LARP4B: variants seen among roughly 807,000 people sequenced by gnomAD.
The protein encoded by LARP4B is La ribonucleoprotein 4B, also known as la-related protein 4B.
A neutral mutation model predicts 89.8 loss-of-function variants in LARP4B; 12 were observed. The ratio of observed to expected loss-of-function variants is 0.13; its 90% CI spans 0.09 to 0.22. LARP4B has a LOEUF of 0.22. Among genes scored for constraint, LARP4B ranks in the 10% least tolerant of loss-of-function variants. The probability of loss-of-function intolerance (pLI) is 1.00; values close to 1 mark genes in which losing one functional copy is unlikely to be tolerated. For synonymous variants in LARP4B, 367 were observed against 363.3 expected (o/e 1.01, Z -0.12); for missense variants, 757 against 947.7 (o/e 0.80, Z 2.64).
chr10:886,437 T>A (rs746986728), intron 1 of LARP4B, among the ~76,000 whole-genome samples: 22 of 152,210 alleles, frequency 1.4e-4, no homozygotes, highest in Non-Finnish European at 2.2e-4. Flanking sequence ...TACCATATTA[T>A]CCTTTCTGAG....
chr10:959,934 CGT>C, the LARP4B span, among the ~76,000 whole-genome samples: 3 of 150,994 alleles, frequency 2.0e-5, no homozygotes, highest in South Asian at 6.3e-4. Context: ...CCCACCTCCT[CGT>C]CAATCCCACC....
intron 17 of LARP4B, 151 bp from the exon 18 acceptor site, chr10:813,364 C>G: frequency 1.3e-6 from 1 of 766,602 alleles, no homozygotes; most frequent in Non-Finnish European, 2.0e-6. Flanking sequence ...TTCATAAAAT[C>G]TAATGATTTA....
At chr10:937,047 T>A in the LARP4B span, among the ~76,000 whole-genome samples, 1 of 152,202 alleles carries the variant, frequency 6.6e-6, no homozygotes, top group African/African-American at 2.4e-5. Context: ...GAGATTTTTT[T>A]ATTTTTATTT....
chr10:942,911 C>G, the LARP4B span, among the ~76,000 whole-genome samples: 1 of 151,906 alleles, frequency 6.6e-6, no homozygotes, highest in South Asian at 2.1e-4. Flanking sequence ...CAGCCTCACT[C>G]CAGCTTTCAG....
chr10:975,011 T>C, the LARP4B span, among the ~76,000 whole-genome samples: 822 of 152,366 alleles, frequency 5.4e-3, 8 homozygotes, highest in African/African-American at 0.019. Flanking sequence ...GGATGGGGTC[T>C]GGCCTCTGCA....
At chr10:887,245 T>C (rs1484642541) in intron 1 of LARP4B, among the ~76,000 whole-genome samples, 2 of 152,126 alleles carry the variant, frequency 1.3e-5, no homozygotes, top group African/African-American at 4.8e-5. Flanking sequence ...AGTTGTAATA[T>C]TGTATTGTAC....
the LARP4B span, among the ~76,000 whole-genome samples, chr10:945,261 G>A: frequency 2.0e-5 from 3 of 151,832 alleles, no homozygotes; most frequent in East Asian, 1.9e-4. Flanking sequence ...ATAGGCACCT[G>A]TAATCCCAGC....
intron 1 of LARP4B, among the ~76,000 whole-genome samples, chr10:890,358 A>G (rs182498368): frequency 1.5e-3 from 224 of 152,368 alleles, no homozygotes; most frequent in African/African-American, 5.1e-3. Flanking sequence ...GTAAGCTAGC[A>G]GAGAAAAAAT....
chr10:807,088 G>C (rs1831585394), downstream of LARP4B: 1 of 152,258 alleles, frequency 6.6e-6, no homozygotes, highest in South Asian at 2.1e-4. Flanking sequence ...CGACAGGAGT[G>C]AAAAAGAAAG....
intron 3 of LARP4B, among the ~76,000 whole-genome samples, chr10:880,070 G>A (rs1255149767): frequency 6.6e-6 from 1 of 152,044 alleles, no homozygotes; most frequent in East Asian, 1.9e-4. Context: ...CACCGCACCT[G>A]GCCCAAGTCT....
At chr10:945,413 A>G in the LARP4B span, among the ~76,000 whole-genome samples, 175 of 150,278 alleles carry the variant, frequency 1.2e-3, no homozygotes, top group African/African-American at 3.6e-3. Flanking sequence ...TGGTCCAGGC[A>G]TGGTGGCTCA....
At chr10:922,219 G>A (rs1489949661) in intron 1 of LARP4B, among the ~76,000 whole-genome samples, 1 of 152,210 alleles carries the variant, frequency 6.6e-6, no homozygotes, top group African/African-American at 2.4e-5. Context: ...GAGCTCTTAT[G>A]AGAATCTAGC....
intron 14 of LARP4B, 164 bp from the exon 15 acceptor site, chr10:818,053 T>A: frequency 1.6e-6 from 1 of 634,274 alleles, no homozygotes; most frequent in Non-Finnish European, 2.7e-6. Context: ...ACTTCAACCA[T>A]CTAGAGCAGA....
upstream of LARP4B, among the ~76,000 whole-genome samples, chr10:935,722 C>CTTTTTTTTTTTTTTTTTTTTTTTTTTTTT (rs10711022): frequency 3.6e-5 from 3 of 83,922 alleles, no homozygotes; most frequent in Non-Finnish European, 4.7e-5. Flanking sequence ...CTTTTCTTTT[C>CTTTTTTTTTTTTTTTTTTTTTTTTTTTTT]TTTTTTTTTT....
upstream of LARP4B, among the ~76,000 whole-genome samples, chr10:933,394 G>T (rs1195831384): frequency 6.6e-6 from 1 of 152,108 alleles, no homozygotes; most frequent in Non-Finnish European, 1.5e-5. Context: ...ATGGGAGCCG[G>T]TGTACCCAGC....
At chr10:845,752 G>A (rs1293541989) in intron 5 of LARP4B, among the ~76,000 whole-genome samples, 1 of 152,172 alleles carries the variant, frequency 6.6e-6, no homozygotes, top group African/African-American at 2.4e-5. Context: ...GCTGGACTCC[G>A]GACACTGCAT....
chr10:843,106 T>C, intron 6 of LARP4B, 38 bp from the exon 7 acceptor site: 2 of 1,592,296 alleles, frequency 1.3e-6, no homozygotes, highest in Non-Finnish European at 8.6e-7. Flanking sequence ...TCAGTATTTC[T>C]TTAAAAGGAA....
At chr10:813,683 G>A (rs1176953209) in intron 17 of LARP4B, among the ~76,000 whole-genome samples, 1 of 152,106 alleles carries the variant, frequency 6.6e-6, no homozygotes, top group African/African-American at 2.4e-5. Flanking sequence ...ACAAAGGACT[G>A]GAAATATCTA....
chr10:925,846 G>A (rs1837121296), intron 1 of LARP4B, among the ~76,000 whole-genome samples: 1 of 152,164 alleles, frequency 6.6e-6, no homozygotes, highest in African/African-American at 2.4e-5. Context: ...AAGAGGGCAC[G>A]TTTTTAAAGA....
Sources: gnomAD v4.1 joint callset for allele counts (sites outside exome capture counted in the v4.1 genomes callset) on GRCh38, gnomAD v4.1.1 for gene constraint, MANE v1.5 for transcripts, NCBI Gene and HGNC (gene_info 2026-07-23, HGNC 2026-07-21) for gene names.